The following PSD3 variants were observed in gnomAD, a reference collection of about 807,000 sequenced individuals.
PSD3 encodes PH and SEC7 domain-containing protein 3.
A neutral mutation model predicts 105.5 loss-of-function variants in PSD3; 49 were observed. The observed-to-expected ratio is 0.46, with a 90% CI of 0.37 to 0.59. The LOEUF is 0.59. PSD3 is among the 20% of genes least tolerant of loss of function. The pLI, the probability that PSD3 is intolerant of heterozygous loss-of-function variation, is 0.00. For missense variants in PSD3, 1,561 were observed against 1,263.8 expected (o/e 1.24, Z -3.57); for synonymous variants, 557 against 457.8 (o/e 1.22, Z -2.77).
intron 9 of PSD3, among the ~76,000 whole-genome samples, chr8:18,669,974 G>C (rs1037972380): frequency 4.6e-5 from 7 of 152,168 alleles, no homozygotes; most frequent in African/African-American, 1.7e-4. Flanking sequence ...GTGAACAACA[G>C]ACACAGAACT....
chr8:18,646,206 A>T (rs1808022933), intron 10 of PSD3, among the ~76,000 whole-genome samples: 1 of 152,112 alleles, frequency 6.6e-6, no homozygotes, highest in Non-Finnish European at 1.5e-5. Context: ...GTTTAAAATG[A>T]AAATTACTTT....
Position 19,012,574 on chromosome 8 carries a change from G to A in PSD3, c.21+989C>T, listed in dbSNP as rs530768823. Among the ~76,000 whole-genome samples, 48 of 152,212 alleles carry A rather than the reference G, an allele frequency of 3.2e-4. 1 individual carries two copies. The South Asian group carries it at 7.9e-3, about 25-fold the overall frequency. On this transcript the variant is annotated intron_variant, in intron 1 of 15. Transcript: ENST00000327040. ...GAACTTCCAAGCCCGGAGGCCAGAA[G>A]CTTCCTCTGAGATCCTCCATGGTAG...
intron 9 of PSD3, among the ~76,000 whole-genome samples, chr8:18,716,035 A>G (rs1004674025): frequency 3.3e-5 from 5 of 152,344 alleles, no homozygotes; most frequent in African/African-American, 1.2e-4. Context: ...GTAAGAGGAC[A>G]GAGCATAACG....
intron 9 of PSD3, among the ~76,000 whole-genome samples, chr8:18,742,890 T>C (rs374944931): frequency 6.6e-6 from 1 of 152,200 alleles, no homozygotes; most frequent in East Asian, 1.9e-4. Context: ...TAGTTAATCT[T>C]CCAAGTTAAG....
chr8:18,541,110 T>C (rs1800126685), intron 15 of PSD3, among the ~76,000 whole-genome samples: 1 of 151,754 alleles, frequency 6.6e-6, no homozygotes, highest in Admixed American at 6.6e-5. Context: ...TACTGCTTTA[T>C]GTTTTCCTTA....
chr8:18,768,968 A>G (rs751094296), intron 8 of PSD3, among the ~76,000 whole-genome samples: 10 of 152,238 alleles, frequency 6.6e-5, no homozygotes, highest in Non-Finnish European at 1.5e-4. Flanking sequence ...AATTTTGTTG[A>G]TAATTAGTTT....
intron 8 of PSD3, among the ~76,000 whole-genome samples, chr8:18,777,771 T>A (rs1159977670): frequency 2.0e-5 from 3 of 152,168 alleles, no homozygotes; most frequent in Non-Finnish European, 2.9e-5. Flanking sequence ...CTTCTAACTA[T>A]ATGTTTCCAT....
intron 1 of PSD3, among the ~76,000 whole-genome samples, chr8:19,032,256 C>T (rs954916033): frequency 7.2e-5 from 8 of 110,612 alleles, no homozygotes; most frequent in African/African-American, 2.2e-4. Context: ...CTTGCACTAC[C>T]CCCCAACAAA....
intron 4 of PSD3, among the ~76,000 whole-genome samples, chr8:18,850,980 A>T (rs1361122176): frequency 1.3e-5 from 2 of 152,206 alleles, no homozygotes; most frequent in African/African-American, 4.8e-5. Context: ...AGGGGACAAA[A>T]GATCTCCACA....
chr8:18,685,209 C>T (rs543544187), intron 9 of PSD3, among the ~76,000 whole-genome samples: 9 of 152,150 alleles, frequency 5.9e-5, no homozygotes, highest in South Asian at 4.2e-4. Context: ...AATTTTGCAA[C>T]GCACTGGTGT....
chr8:18,650,535 C>T (rs1413927666), intron 10 of PSD3, among the ~76,000 whole-genome samples: 1 of 152,200 alleles, frequency 6.6e-6, no homozygotes, highest in African/African-American at 2.4e-5. Flanking sequence ...CAATTTGACT[C>T]ACTGCACTCT....
At chr8:18,715,878 C>G (rs1004749350) in intron 9 of PSD3, among the ~76,000 whole-genome samples, 1 of 152,204 alleles carries the variant, frequency 6.6e-6, no homozygotes, top group African/African-American at 2.4e-5. Context: ...AGGCATTGTT[C>G]TAGGTAGAGA....
chr8:18,559,062 T>C (rs1407665841), intron 14 of PSD3, among the ~76,000 whole-genome samples: 1 of 152,170 alleles, frequency 6.6e-6, no homozygotes, highest in Non-Finnish European at 1.5e-5. Context: ...GGATTTTTTT[T>C]CCCTGTTATA....
chr8:19,061,721 C>G (rs2129477571), intron 1 of PSD3, among the ~76,000 whole-genome samples: 1 of 151,880 alleles, frequency 6.6e-6, no homozygotes, highest in South Asian at 2.1e-4. Context: ...AGGAGAATCG[C>G]TTGACCCCAG....
intron 10 of PSD3, among the ~76,000 whole-genome samples, chr8:18,642,230 CAT>C (rs1043211519): frequency 6.6e-6 from 1 of 152,134 alleles, no homozygotes; most frequent in Non-Finnish European, 1.5e-5. Context: ...GGTCAAGCCA[CAT>C]GTTAGGTATT....
At chr8:18,847,400 CA>C (rs1446888053) in intron 4 of PSD3, among the ~76,000 whole-genome samples, 2 of 152,156 alleles carry the variant, frequency 1.3e-5, no homozygotes, top group Non-Finnish European at 2.9e-5. Context: ...GCAAACCAGC[CA>C]AAAGCACTCT....
intron 10 of PSD3, among the ~76,000 whole-genome samples, chr8:18,645,017 C>T (rs540283432): frequency 1.1e-4 from 17 of 152,296 alleles, no homozygotes; most frequent in African/African-American, 3.1e-4. Flanking sequence ...GTCAAGAAAG[C>T]GCAAGAGAGC....
chr8:18,783,330 T>C (rs1808818992), intron 8 of PSD3, among the ~76,000 whole-genome samples: 2 of 152,224 alleles, frequency 1.3e-5, no homozygotes, highest in Admixed American at 6.5e-5. Flanking sequence ...TTACTGATTT[T>C]AGTAATTTGA....
chr8:18,551,936 G>T (rs1020872574), intron 15 of PSD3, among the ~76,000 whole-genome samples: 1 of 152,120 alleles, frequency 6.6e-6, no homozygotes, highest in Non-Finnish European at 1.5e-5. Flanking sequence ...AGCCTTCAGG[G>T]ACCAGAGCAA....
Sources: allele counts gnomAD v4.1 joint callset (sites outside exome capture counted in the v4.1 genomes callset), GRCh38; gene constraint gnomAD v4.1.1; transcripts MANE v1.5; gene names NCBI Gene and HGNC (gene_info 2026-07-23, HGNC 2026-07-21).